Variants in SCHIP1 observed in about 807,000 individuals in gnomAD.
The protein encoded by SCHIP1 is schwannomin interacting protein 1, also known as schwannomin-interacting protein 1.
SCHIP1 carries 8 observed loss-of-function variants against 29.7 expected under a neutral mutation model. The ratio of observed to expected loss-of-function variants is 0.27; its 90% CI spans 0.16 to 0.49. The LOEUF is 0.49. Ranked by LOEUF, SCHIP1 falls within the 20% of genes least tolerant of loss-of-function variation. SCHIP1 has a pLI of 0.99. For missense variants in SCHIP1, 193 were observed against 294.6 expected (o/e 0.66, Z 2.52); for synonymous variants, 76 against 94.9 (o/e 0.80, Z 1.16).
At chr3:159,890,369 C>T (rs1260850986) in intron 5 of SCHIP1, among the ~76,000 whole-genome samples, 1 of 152,046 alleles carries the variant, frequency 6.6e-6, no homozygotes, top group Non-Finnish European at 1.5e-5. Context: ...AAAAACAATT[C>T]TATGCATTAA....
At chr3:159,507,097 G>A in the SCHIP1 span, among the ~76,000 whole-genome samples, 3 of 152,182 alleles carry the variant, frequency 2.0e-5, no homozygotes, top group Non-Finnish European at 2.9e-5. Flanking sequence ...TCCTACCCAT[G>A]AGCATGGAAT....
chr3:159,620,234 T>A, the SCHIP1 span, among the ~76,000 whole-genome samples: 1 of 152,204 alleles, frequency 6.6e-6, no homozygotes, highest in Non-Finnish European at 1.5e-5. Context: ...TAAAAAAATG[T>A]GTGACAAGGC....
chr3:159,375,757 T>TAAAC, the SCHIP1 span: 2 of 882,408 alleles, frequency 2.3e-6, no homozygotes, highest in Non-Finnish European at 2.7e-6. Flanking sequence ...AATAAATAAA[T>TAAAC]AAACTGTTTG....
chr3:159,356,560 T>C, the SCHIP1 span, among the ~76,000 whole-genome samples: 1 of 152,204 alleles, frequency 6.6e-6, no homozygotes, highest in Non-Finnish European at 1.5e-5. Context: ...CATTTTAGTA[T>C]GGAAGAAAAT....
chr3:159,417,977 A>G, the SCHIP1 span, among the ~76,000 whole-genome samples: 32 of 152,162 alleles, frequency 2.1e-4, no homozygotes, highest in Non-Finnish European at 4.1e-4. Context: ...ATATGAGTTG[A>G]TCAACAAAGA....
the SCHIP1 span, among the ~76,000 whole-genome samples, chr3:159,384,452 A>C: frequency 6.8e-6 from 1 of 146,458 alleles, no homozygotes; most frequent in Non-Finnish European, 1.5e-5. Flanking sequence ...CATCCCAGGG[A>C]TGAAGCCCAC....
At chr3:159,784,032 A>T in the SCHIP1 span, among the ~76,000 whole-genome samples, 1 of 152,186 alleles carries the variant, frequency 6.6e-6, no homozygotes, top group South Asian at 2.1e-4. Context: ...GAGGTTAGAG[A>T]AACCCCTGCA....
the SCHIP1 span, among the ~76,000 whole-genome samples, chr3:159,465,770 A>G: frequency 6.6e-6 from 1 of 152,182 alleles, no homozygotes; most frequent in East Asian, 1.9e-4. Flanking sequence ...ACAAAGGATA[A>G]TCACTTTTGG....
At chr3:159,561,600 A>T in the SCHIP1 span, among the ~76,000 whole-genome samples, 4 of 152,170 alleles carry the variant, frequency 2.6e-5, no homozygotes, top group African/African-American at 9.7e-5. Context: ...ACACCAGGGT[A>T]ATTTGCTATT....
chr3:159,467,804 A>T, the SCHIP1 span, among the ~76,000 whole-genome samples: 2 of 152,126 alleles, frequency 1.3e-5, no homozygotes, highest in Non-Finnish European at 2.9e-5. Context: ...TGACATTTTG[A>T]TGAGTTATTA....
At chr3:159,522,176 A>C in the SCHIP1 span, among the ~76,000 whole-genome samples, 1 of 152,252 alleles carries the variant, frequency 6.6e-6, no homozygotes, top group Non-Finnish European at 1.5e-5. Context: ...TTTCAATTGC[A>C]ACAAAAATAC....
At chr3:159,637,298 G>A in the SCHIP1 span, among the ~76,000 whole-genome samples, 1 of 151,294 alleles carries the variant, frequency 6.6e-6, no homozygotes, top group Non-Finnish European at 1.5e-5. Flanking sequence ...ACTTACTGTG[G>A]GGAACAGACA....
chr3:159,705,095 CT>C, the SCHIP1 span, among the ~76,000 whole-genome samples: 9,629 of 152,036 alleles, frequency 0.063, 483 homozygotes, highest in East Asian at 0.17. Flanking sequence ...TCCTGAGTAG[CT>C]GAGATTACAG....
At chr3:159,340,001 A>G in the SCHIP1 span, among the ~76,000 whole-genome samples, 1 of 152,110 alleles carries the variant, frequency 6.6e-6, no homozygotes, top group Non-Finnish European at 1.5e-5. Flanking sequence ...AATTCTAATA[A>G]CCAGGAATTA....
At chr3:159,286,578 A>G in the SCHIP1 span, among the ~76,000 whole-genome samples, 63,108 of 151,920 alleles carry the variant, frequency 0.42, 13,326 homozygotes, top group African/African-American at 0.45. Context: ...TATTCCTTTG[A>G]GTATATACCT....
At chr3:159,592,914 T>TA in the SCHIP1 span, among the ~76,000 whole-genome samples, 38 of 152,230 alleles carry the variant, frequency 2.5e-4, no homozygotes, top group African/African-American at 8.7e-4. Context: ...TGCCTAACCT[T>TA]ATAAAAATAA....
the SCHIP1 span, among the ~76,000 whole-genome samples, chr3:159,616,353 C>T: frequency 1.3e-5 from 2 of 152,142 alleles, no homozygotes; most frequent in Non-Finnish European, 2.9e-5. Context: ...CCGCCTGCCT[C>T]GGCCTCCCAA....
At chr3:159,295,253 T>TAAAAA in the SCHIP1 span, among the ~76,000 whole-genome samples, 5 of 66,942 alleles carry the variant, frequency 7.5e-5, no homozygotes, top group Non-Finnish European at 1.0e-4. Context: ...CTATCTCTAC[T>TAAAAA]AAAAAAAAAA....
chr3:159,553,900 A>T, the SCHIP1 span, among the ~76,000 whole-genome samples: 1 of 151,464 alleles, frequency 6.6e-6, no homozygotes, highest in African/African-American at 2.4e-5. Flanking sequence ...TCCTGGGTTC[A>T]CGCCATTCTT....
Sources: allele counts gnomAD v4.1 joint callset (sites outside exome capture counted in the v4.1 genomes callset), GRCh38; gene constraint gnomAD v4.1.1; transcripts MANE v1.5; gene names NCBI Gene and HGNC (gene_info 2026-07-23, HGNC 2026-07-21).